RAB38: variants seen among roughly 807,000 people sequenced by gnomAD.
The protein encoded by RAB38 is ras-related protein Rab-38.
In RAB38, 15 loss-of-function variants were observed where a neutral mutation model predicts 18.4. The ratio of observed to expected loss-of-function variants is 0.82; its 90% CI spans 0.55 to 1.26. The LOEUF (loss-of-function observed/expected upper bound fraction) is 1.26. Among genes scored for constraint, RAB38 ranks in the 50% most tolerant of loss-of-function variants. The pLI is 0.00. For missense variants in RAB38, 294 were observed against 267.4 expected (o/e 1.10, Z -0.69); for synonymous variants, 101 against 104.4 (o/e 0.97, Z 0.20).
intron 2 of RAB38, among the ~76,000 whole-genome samples, chr11:88,146,448 G>T (rs957030794): frequency 6.6e-6 from 1 of 152,078 alleles, no homozygotes; most frequent in East Asian, 2.0e-4. Flanking sequence ...TTAGAAGATT[G>T]ACTGTCTAAA....
the RAB38 span, among the ~76,000 whole-genome samples, chr11:87,900,321 T>C: frequency 6.6e-6 from 1 of 151,526 alleles, no homozygotes; most frequent in African/African-American, 2.4e-5. Flanking sequence ...TCCCATAGTA[T>C]AGAAATCAAC....
At chr11:87,938,993 C>A in the RAB38 span, among the ~76,000 whole-genome samples, 1 of 151,978 alleles carries the variant, frequency 6.6e-6, no homozygotes, top group Admixed American at 6.6e-5. Flanking sequence ...TAACGTTGCA[C>A]TTTACTAAAT....
chr11:88,061,623 A>T, the RAB38 span: 15 of 152,136 alleles, frequency 9.9e-5, no homozygotes, highest in African/African-American at 3.4e-4. Flanking sequence ...AATTTTTTTT[A>T]ATAACCTTTA....
the RAB38 span, among the ~76,000 whole-genome samples, chr11:88,038,297 T>C: frequency 6.6e-6 from 1 of 152,188 alleles, no homozygotes; most frequent in African/African-American, 2.4e-5. Context: ...AAAATATTAA[T>C]TACCATTTCA....
chr11:88,135,319 C>T (rs780994179), intron 2 of RAB38, among the ~76,000 whole-genome samples: 1 of 152,148 alleles, frequency 6.6e-6, no homozygotes, highest in South Asian at 2.1e-4. Context: ...CACTTTAATG[C>T]AAGTTCCAAG....
chr11:87,919,366 A>C, the RAB38 span, among the ~76,000 whole-genome samples: 5 of 151,354 alleles, frequency 3.3e-5, no homozygotes, highest in Non-Finnish European at 5.9e-5. Flanking sequence ...AGATTATCAT[A>C]GTTTTTTTTT....
intron 1 of RAB38, among the ~76,000 whole-genome samples, chr11:88,172,278 G>C (rs1460940294): frequency 6.6e-6 from 1 of 152,194 alleles, no homozygotes. Flanking sequence ...TGTCCCCTAT[G>C]GGGTTTGGTG....
chr11:87,871,419 A>T, the RAB38 span, among the ~76,000 whole-genome samples: 1 of 151,682 alleles, frequency 6.6e-6, no homozygotes, highest in Non-Finnish European at 1.5e-5. Context: ...AAGATTTTGA[A>T]CTTGACCCAG....
chr11:87,933,837 G>T, the RAB38 span, among the ~76,000 whole-genome samples: 1 of 152,062 alleles, frequency 6.6e-6, no homozygotes, highest in Admixed American at 6.6e-5. Context: ...AAGCTTCTCT[G>T]CCTTGTTGAG....
the RAB38 span, among the ~76,000 whole-genome samples, chr11:87,881,479 T>C: frequency 4.6e-5 from 7 of 151,906 alleles, no homozygotes; most frequent in African/African-American, 1.7e-4. Context: ...TATGAACTCA[T>C]AAATGTGGAG....
the RAB38 span, among the ~76,000 whole-genome samples, chr11:88,100,449 TTAA>T: frequency 6.6e-6 from 1 of 151,978 alleles, no homozygotes; most frequent in East Asian, 1.9e-4. Context: ...CGATGGCATG[TTAA>T]TATTATAATT....
intron 2 of RAB38, among the ~76,000 whole-genome samples, chr11:88,126,235 T>C (rs946149711): frequency 3.3e-5 from 5 of 152,210 alleles, no homozygotes; most frequent in African/African-American, 1.2e-4. Context: ...TAAAGTGGTT[T>C]TTTAAGACAC....
the RAB38 span, among the ~76,000 whole-genome samples, chr11:88,019,157 C>A: frequency 2.0e-5 from 3 of 152,180 alleles, no homozygotes; most frequent in East Asian, 5.8e-4. Flanking sequence ...TGGAAATACA[C>A]CTTCACTTGG....
chr11:87,855,419 T>C, the RAB38 span, among the ~76,000 whole-genome samples: 2 of 152,278 alleles, frequency 1.3e-5, no homozygotes, highest in South Asian at 2.1e-4. Flanking sequence ...ACTGAGGTTG[T>C]ATATCAACTC....
chr11:88,149,563 C>T, intron 2 of RAB38, 112 bp downstream of exon 2: 1 of 1,286,956 alleles, frequency 7.8e-7, no homozygotes, highest in East Asian at 2.4e-5. Flanking sequence ...AATGTGAAAA[C>T]CATACATCAC....
chr11:88,073,405 C>T, the RAB38 span, among the ~76,000 whole-genome samples: 1 of 152,028 alleles, frequency 6.6e-6, no homozygotes, highest in Non-Finnish European at 1.5e-5. Context: ...GAACTGGAGG[C>T]ACTATGATTG....
the RAB38 span, among the ~76,000 whole-genome samples, chr11:87,854,485 AC>A: frequency 2.0e-5 from 3 of 152,176 alleles, no homozygotes; most frequent in African/African-American, 7.2e-5. Context: ...CACTCTTAAC[AC>A]ATAAAGATTT....
chr11:87,953,726 A>G, the RAB38 span, among the ~76,000 whole-genome samples: 1 of 152,162 alleles, frequency 6.6e-6, no homozygotes, highest in Non-Finnish European at 1.5e-5. Flanking sequence ...GTCTTGCAAC[A>G]TATTACCTGA....
At chr11:88,117,378 TC>T (rs1384849676) in intron 2 of RAB38, among the ~76,000 whole-genome samples, 1 of 152,138 alleles carries the variant, frequency 6.6e-6, no homozygotes, top group East Asian at 1.9e-4. Context: ...ACTAAATTTG[TC>T]AAGTAGAGCC....
Sources: allele counts gnomAD v4.1 joint callset (sites outside exome capture counted in the v4.1 genomes callset), GRCh38; gene constraint gnomAD v4.1.1; transcripts MANE v1.5; gene names NCBI Gene and HGNC (gene_info 2026-07-23, HGNC 2026-07-21).